Variants in AGTPBP1 observed in about 807,000 individuals in gnomAD.
AGTPBP1 encodes cytosolic carboxypeptidase 1.
In AGTPBP1, 70 loss-of-function variants were observed where a neutral mutation model predicts 143.9. That is an observed-to-expected ratio of 0.49 (90% CI 0.40 to 0.59). The LOEUF (loss-of-function observed/expected upper bound fraction) is 0.59. Among genes scored for constraint, AGTPBP1 ranks in the 20% least tolerant of loss-of-function variants. The pLI, the probability that AGTPBP1 is intolerant of heterozygous loss-of-function variation, is 0.00. For missense variants in AGTPBP1, 1,229 were observed against 1,464.5 expected (o/e 0.84, Z 2.62); for synonymous variants, 463 against 500.2 (o/e 0.93, Z 0.99).
chr9:85,550,195 G>GAA (rs1491572794), intron 25 of AGTPBP1, among the ~76,000 whole-genome samples: 1 of 141,868 alleles, frequency 7.0e-6, no homozygotes. Context: ...GTGTGTGTGT[G>GAA]AGAGAGAGAG....
intron 1 of AGTPBP1, among the ~76,000 whole-genome samples, chr9:85,740,788 G>T (rs117993023): frequency 0.015 from 2,229 of 152,306 alleles, 25 homozygotes; most frequent in Middle Eastern, 0.037. Context: ...CAACTACAAT[G>T]TTAAACACCT....
chr9:85,550,873 C>T (rs896961140), intron 25 of AGTPBP1, among the ~76,000 whole-genome samples: 6 of 152,152 alleles, frequency 3.9e-5, no homozygotes, highest in African/African-American at 1.4e-4. Flanking sequence ...GTTTCCTCTG[C>T]ATAAGGTATT....
chr9:85,731,616 T>C (rs1357583336), intron 1 of AGTPBP1, among the ~76,000 whole-genome samples: 1 of 152,060 alleles, frequency 6.6e-6, no homozygotes, highest in Non-Finnish European at 1.5e-5. Flanking sequence ...CACCTAATTG[T>C]TTTTTCCATT....
intron 6 of AGTPBP1, among the ~76,000 whole-genome samples, chr9:85,675,474 G>A (rs1309076043): frequency 6.6e-6 from 1 of 151,992 alleles, no homozygotes; most frequent in Admixed American, 6.6e-5. Context: ...TTCACACTAT[G>A]CAGCACAAAT....
rs1369513153 is a variant in AGTPBP1, at chr9:85,632,972, T to C, written c.1705A>G (p.Lys569Glu). The C allele has an allele frequency of 3.7e-6, 6 of 1,614,186 alleles. No individual in the cohort carries two copies. Among genetic ancestry groups the C allele is most frequent in the African/African-American group, 1.3e-5 (1 of 75,072 alleles). ...SLPLTVLTCAKACPHMATCGN... is the reference protein window; with the variant it reads ...SLPLTVLTCAEACPHMATCGN... ...CAAGTAGCCATGTGTGGACATGCTT[T>C]AGCACAGGTAAGGACAGTAAGAGGA... is the stretch of plus-strand genomic sequence containing the variant. Residue 569 changes from lysine (K) to glutamate (E), a missense_variant, in exon 14 of 26, where the codon AAA becomes GAA. Coordinates refer to ENST00000357081, the MANE Select transcript of AGTPBP1 (RefSeq NM_001330701.2).
intron 2 of AGTPBP1, among the ~76,000 whole-genome samples, chr9:85,710,884 C>A (rs553203111): frequency 6.6e-6 from 1 of 152,172 alleles, no homozygotes; most frequent in East Asian, 1.9e-4. Flanking sequence ...AAAAGTAAGG[C>A]ATTTTTTAAA....
At chr9:85,622,042 T>A (rs1266025027) in intron 14 of AGTPBP1, among the ~76,000 whole-genome samples, 4 of 152,124 alleles carry the variant, frequency 2.6e-5, no homozygotes, top group African/African-American at 9.7e-5. Flanking sequence ...CAGAACAGAT[T>A]TGGTTCCTAA....
At chr9:85,786,696 A>G in the AGTPBP1 span, 1 of 1,224,896 alleles carries the variant, frequency 8.2e-7, no homozygotes. Flanking sequence ...GAAGGGGAGG[A>G]AGGAATCCCT....
intron 1 of AGTPBP1, among the ~76,000 whole-genome samples, chr9:85,712,996 G>C (rs1274428430): frequency 6.6e-6 from 1 of 152,102 alleles, no homozygotes; most frequent in Non-Finnish European, 1.5e-5. Context: ...TTCCATATAA[G>C]AACATTTTCA....
the AGTPBP1 span, among the ~76,000 whole-genome samples, chr9:85,758,851 A>C: frequency 2.0e-5 from 3 of 152,180 alleles, no homozygotes; most frequent in East Asian, 5.8e-4. Flanking sequence ...AATTTTCTCA[A>C]CACCAGTAAT....
chr9:85,624,894 C>T (rs1016532831), intron 14 of AGTPBP1, among the ~76,000 whole-genome samples: 8 of 152,170 alleles, frequency 5.3e-5, no homozygotes, highest in Non-Finnish European at 8.8e-5. Context: ...AAGTCTAAAA[C>T]GTCATAAAAC....
intron 4 of AGTPBP1, among the ~76,000 whole-genome samples, chr9:85,679,666 C>A (rs1448831271): frequency 6.6e-6 from 1 of 152,180 alleles, no homozygotes; most frequent in Non-Finnish European, 1.5e-5. Context: ...TCTCGGCCTC[C>A]CAAAGTGCTG....
intron 21 of AGTPBP1, 48 bp from the exon 22 acceptor site, chr9:85,587,008 C>A (rs202122009): frequency 3.1e-5 from 50 of 1,607,128 alleles, no homozygotes; most frequent in Non-Finnish European, 4.2e-5. Context: ...TACCCATAAA[C>A]CCTTATATAC....
At chr9:85,588,826 A>AT (rs35317193) in intron 20 of AGTPBP1, among the ~76,000 whole-genome samples, 28,427 of 151,924 alleles carry the variant, frequency 0.19, 3,445 homozygotes, top group East Asian at 0.51. Context: ...ATATAAAACT[A>AT]TTTTTTCATA....
chr9:85,636,340 C>G (rs1451001362), intron 13 of AGTPBP1, among the ~76,000 whole-genome samples: 1 of 148,092 alleles, frequency 6.8e-6, no homozygotes, highest in Non-Finnish European at 1.5e-5. Flanking sequence ...CAGCTCACTG[C>G]AAGCTCCAAC....
intron 13 of AGTPBP1, among the ~76,000 whole-genome samples, chr9:85,635,212 G>T (rs1348775938): frequency 6.6e-6 from 1 of 152,062 alleles, no homozygotes; most frequent in Non-Finnish European, 1.5e-5. Flanking sequence ...TTCTGGATTT[G>T]CAATTGATCT....
At position 85,585,589 on chromosome 9, in the gene AGTPBP1, A is replaced by G. The variant is rs1275100631; in HGVS notation, c.3039T>C (p.Tyr1013=). ...LAAVKRLPLV[Y]CDYHGHSRKK... Reference sequence around the variant, plus strand: ...TTCGGGAATGGCCATGATAATCACAATAAACCTTGAAAATATATATTTTAA... The same window carrying G: ...TTCGGGAATGGCCATGATAATCACAGTAAACCTTGAAAATATATATTTTAA... Residue 1013 remains tyrosine, a synonymous_variant, in exon 23 of 26, where the codon TAT becomes TAC. Transcript: ENST00000357081. 1 of 1,592,704 alleles carries G rather than the reference A, an allele frequency of 6.3e-7. No individual in the cohort carries two copies. Among genetic ancestry groups the G allele is most frequent in the Non-Finnish European group, 8.5e-7 (1 of 1,172,066 alleles).
chr9:85,585,353 A>T, intron 23 of AGTPBP1, 110 bp downstream of exon 23: 2 of 1,140,686 alleles, frequency 1.8e-6, no homozygotes, highest in Non-Finnish European at 1.1e-6. Flanking sequence ...CTGAAACAAA[A>T]ATGGCAAAAT....
Position 85,642,925 on chromosome 9 carries a change from C to G in AGTPBP1, c.1204G>C (p.Asp402His), listed in dbSNP as rs1399014992. 1.2e-6 allele frequency: 2 copies of G among 1,612,074 alleles called. No individual in the cohort carries two copies. Among genetic ancestry groups the G allele is most frequent in the Non-Finnish European group, 1.7e-6 (2 of 1,178,948 alleles). ...QNFKNDDIETDINKLKPQQEP... is the reference protein window; with the variant it reads ...QNFKNDDIETHINKLKPQQEP... The stretch of plus-strand genomic sequence containing the variant: ...TGCTGGGGTTTTAGTTTGTTAATAT[C>G]TGTTTCAATATCATCATTCTGAAAT... The change falls in exon 13 of 26, where the codon GAT becomes CAT. Residue 402 changes from aspartate (D) to histidine (H), a missense_variant. Asp to His is a moderately conservative substitution (Grantham distance 81). Transcript: ENST00000357081.
Sources: gnomAD v4.1 joint callset for allele counts (sites outside exome capture counted in the v4.1 genomes callset) on GRCh38, gnomAD v4.1.1 for gene constraint, MANE v1.5 for transcripts, NCBI Gene and HGNC (gene_info 2026-07-23, HGNC 2026-07-21) for gene names.